Variants in PLB1 observed in about 807,000 individuals in gnomAD.
PLB1 encodes the protein phospholipase B1, membrane-associated.
PLB1 carries 242 observed loss-of-function variants against 227.4 expected under a neutral mutation model. The ratio of observed to expected loss-of-function variants is 1.06; its 90% CI spans 0.96 to 1.18. PLB1 has a LOEUF of 1.18. Ranked by LOEUF, PLB1 falls within the 50% of genes most tolerant of loss-of-function variation. PLB1 has a pLI of 0.00. For missense variants in PLB1, 1,858 were observed against 1,816.3 expected (o/e 1.02, Z -0.42); for synonymous variants, 757 against 682.2 (o/e 1.11, Z -1.71).
At chr2:28,560,228 G>T (rs1037515327) in intron 17 of PLB1, among the ~76,000 whole-genome samples, 7 of 152,080 alleles carry the variant, frequency 4.6e-5, no homozygotes, top group African/African-American at 1.7e-4. Context: ...GTGCAGCGTT[G>T]TGCCACTAGA....
chr2:28,542,227 C>T (rs1672610183), intron 13 of PLB1, among the ~76,000 whole-genome samples: 1 of 152,144 alleles, frequency 6.6e-6, no homozygotes, highest in Non-Finnish European at 1.5e-5. Context: ...CCCAATAAGC[C>T]TCAGCCCAGT....
chr2:28,591,675 T>G (rs775956080), intron 30 of PLB1, 25 bp from the exon 31 acceptor site: 20 of 1,612,366 alleles, frequency 1.2e-5, no homozygotes, highest in Non-Finnish European at 1.7e-5. Context: ...ACCCTGAGAT[T>G]CTGGGATTTG....
chr2:28,525,994 C>G (rs750242785), intron 6 of PLB1, 49 bp downstream of exon 6: 7 of 1,602,670 alleles, frequency 4.4e-6, no homozygotes, highest in Non-Finnish European at 6.0e-6. Context: ...CTCTCCTTCC[C>G]AACACAGCAG....
intron 1 of PLB1, among the ~76,000 whole-genome samples, chr2:28,506,043 T>C (rs556091162): frequency 6.6e-6 from 1 of 152,314 alleles, no homozygotes; most frequent in East Asian, 1.9e-4. Context: ...GCCTTGTAGA[T>C]TTCTAGGACT....
intron 4 of PLB1, among the ~76,000 whole-genome samples, chr2:28,523,932 G>A (rs4666082): frequency 7.6e-4 from 116 of 152,200 alleles, no homozygotes; most frequent in African/African-American, 2.7e-3. Context: ...CTAACCTGTC[G>A]GGTGTCTTTT....
chr2:28,569,310 T>A (rs765755036), intron 20 of PLB1, among the ~76,000 whole-genome samples: 2 of 152,226 alleles, frequency 1.3e-5, no homozygotes, highest in Non-Finnish European at 2.9e-5. Context: ...TTATTTCTAA[T>A]TCAGTCCATA....
At chr2:28,575,314 T>G (rs1326340094) in intron 21 of PLB1, among the ~76,000 whole-genome samples, 1 of 152,230 alleles carries the variant, frequency 6.6e-6, no homozygotes, top group Non-Finnish European at 1.5e-5. Flanking sequence ...ATATCTTCTT[T>G]TTAGAATTGA....
chr2:28,533,155 C>G (rs909274712), intron 9 of PLB1, among the ~76,000 whole-genome samples: 1 of 152,108 alleles, frequency 6.6e-6, no homozygotes, highest in Non-Finnish European at 1.5e-5. Context: ...GATACTCTTG[C>G]CTTCCTTCAA....
At chr2:28,555,863 CTTTT>C (rs57277349) in intron 17 of PLB1, among the ~76,000 whole-genome samples, 2 of 128,158 alleles carry the variant, frequency 1.6e-5, no homozygotes, top group Non-Finnish European at 3.2e-5. Flanking sequence ...AGTTACTTTC[CTTTT>C]TTTTTTTTTT....
intron 49 of PLB1, among the ~76,000 whole-genome samples, chr2:28,623,096 G>A (rs1030820750): frequency 6.6e-6 from 1 of 152,182 alleles, no homozygotes; most frequent in Non-Finnish European, 1.5e-5. Context: ...GAACTGCACT[G>A]TCTAAAGACA....
chr2:28,500,747 A>C (rs1323466951), intron 1 of PLB1, among the ~76,000 whole-genome samples: 2 of 151,106 alleles, frequency 1.3e-5, no homozygotes, highest in East Asian at 2.0e-4. Flanking sequence ...CCCCGTCTCC[A>C]AAAAAAAAGA....
chr2:28,594,066 C>T (rs774061847), intron 33 of PLB1: 1 of 670,044 alleles, frequency 1.5e-6, no homozygotes, highest in Non-Finnish European at 2.9e-6. Flanking sequence ...CTTCACCTCC[C>T]CGCTTGCATG....
intron 21 of PLB1, among the ~76,000 whole-genome samples, chr2:28,577,296 A>G (rs923518643): frequency 2.0e-5 from 3 of 152,120 alleles, no homozygotes; most frequent in Non-Finnish European, 4.4e-5. Flanking sequence ...TCCATTTTGT[A>G]GTCTTTTTGA....
chr2:28,592,811 C>T, intron 32 of PLB1, 92 bp downstream of exon 32: 16 of 1,197,360 alleles, frequency 1.3e-5, no homozygotes, highest in Non-Finnish European at 1.7e-5. Context: ...TGCCTGTCCT[C>T]TGCCTTATCT....
At chr2:28,518,323 G>T in intron 2 of PLB1, 143 bp from the exon 3 acceptor site, 4 of 677,602 alleles carry the variant, frequency 5.9e-6, no homozygotes, top group South Asian at 5.3e-5. Flanking sequence ...GGGGTTAGGA[G>T]AAAATGACTA....
intron 53 of PLB1, 56 bp downstream of exon 53, chr2:28,629,241 C>G (rs1385109503): frequency 1.3e-6 from 2 of 1,542,066 alleles, no homozygotes; most frequent in Non-Finnish European, 1.8e-6. Flanking sequence ...GGAGGGCTTG[C>G]AGGTGCCAAA....
chr2:28,508,416 G>A (rs1190177244), intron 1 of PLB1, among the ~76,000 whole-genome samples: 1 of 152,130 alleles, frequency 6.6e-6, no homozygotes, highest in East Asian at 1.9e-4. Context: ...CTGACAGGAC[G>A]CTGTGCTAAC....
At chr2:28,642,209 T>C (rs36086300) in intron 57 of PLB1, among the ~76,000 whole-genome samples, 8,837 of 152,244 alleles carry the variant, frequency 0.058, 363 homozygotes, top group Non-Finnish European at 0.091. Flanking sequence ...GTCTCCTTTA[T>C]GATGTGATTG....
Position 28,496,120 on chromosome 2 carries a change from G to A in PLB1, c.6G>A (p.Gly2=), listed in dbSNP as rs1464451799. M[G]LRPGIFLLEL... is the part of the protein sequence containing the mutation. ...GTCACCTGGAGCATTCTGGCATGGGGCTGCGGCCAGGCATTTTCCTCCTGG... is the reference window on the plus strand; with the variant it reads ...GTCACCTGGAGCATTCTGGCATGGGACTGCGGCCAGGCATTTTCCTCCTGG... The change falls in exon 1 of 58, where the codon GGG becomes GGA. Residue 2 remains glycine, a synonymous_variant. Coordinates refer to ENST00000327757, the MANE Select transcript of PLB1 (RefSeq NM_153021.5). 1 of 1,614,050 alleles carries A rather than the reference G, an allele frequency of 6.2e-7. No individual in the cohort carries two copies. The highest frequency in any genetic ancestry group is 1.1e-5 in the South Asian group (1 of 91,074).
Sources: allele counts gnomAD v4.1 joint callset (sites outside exome capture counted in the v4.1 genomes callset), GRCh38; gene constraint gnomAD v4.1.1; transcripts MANE v1.5; gene names NCBI Gene and HGNC (gene_info 2026-07-23, HGNC 2026-07-21).